Variants in NR1H4 observed in about 807,000 individuals in gnomAD.
NR1H4 encodes bile acid receptor.
NR1H4 carries 23 observed loss-of-function variants against 58.5 expected under a neutral mutation model. That is an observed-to-expected ratio of 0.39 (90% CI 0.28 to 0.56). NR1H4 has a LOEUF of 0.56. NR1H4 is among the 20% of genes least tolerant of loss of function. The pLI, the probability that NR1H4 is intolerant of heterozygous loss-of-function variation, is 0.58. For synonymous variants in NR1H4, 214 were observed against 198.0 expected, an observed-to-expected ratio of 1.08 and a Z score of -0.68; for missense variants, 487 against 576.9, an observed-to-expected ratio of 0.84 and a Z score of 1.60.
chr12:100,533,047 A>G (rs1954733214), intron 5 of NR1H4, among the ~76,000 whole-genome samples: 1 of 152,188 alleles, frequency 6.6e-6, no homozygotes. Flanking sequence ...AGAGTTCTAA[A>G]CCAAGTCATT....
intron 6 of NR1H4, 103 bp downstream of exon 6, chr12:100,535,126 T>C (rs1222779899): frequency 7.8e-7 from 1 of 1,289,060 alleles, no homozygotes; most frequent in African/African-American, 1.5e-5. Flanking sequence ...CAGGCACAGC[T>C]GAATTTCTAG....
At chr12:100,495,252 C>T (rs1266437660) in intron 3 of NR1H4, among the ~76,000 whole-genome samples, 1 of 152,172 alleles carries the variant, frequency 6.6e-6, no homozygotes, top group Non-Finnish European at 1.5e-5. Context: ...AGCTGCAATG[C>T]AGAGCTGTAA....
At chr12:100,477,128 A>T (rs557720819) in intron 1 of NR1H4, among the ~76,000 whole-genome samples, 1 of 152,236 alleles carries the variant, frequency 6.6e-6, no homozygotes, top group East Asian at 1.9e-4. Flanking sequence ...CTTCACAGTG[A>T]ATTATTTTCT....
chr12:100,537,142 CA>C, intron 8 of NR1H4, 95 bp downstream of exon 8: 1 of 803,880 alleles, frequency 1.2e-6, no homozygotes, highest in South Asian at 1.5e-5. Context: ...TTTTAATTTT[CA>C]AAACATTCCT....
At chr12:100,545,663 AAAAAAAC>A (rs1228926542) in intron 9 of NR1H4, among the ~76,000 whole-genome samples, 3 of 147,888 alleles carry the variant, frequency 2.0e-5, no homozygotes, top group Admixed American at 6.7e-5. Context: ...AAAAAAAAAA[AAAAAAAC>A]CAAACGGGGG....
chr12:100,554,612 G>C (rs1955282216), intron 9 of NR1H4, among the ~76,000 whole-genome samples: 1 of 152,036 alleles, frequency 6.6e-6, no homozygotes, highest in Non-Finnish European at 1.5e-5. Flanking sequence ...AAACAAATAG[G>C]AAACAGGAGC....
intron 4 of NR1H4, among the ~76,000 whole-genome samples, chr12:100,518,258 G>T (rs139658351): frequency 3.3e-5 from 5 of 152,166 alleles, no homozygotes; most frequent in Non-Finnish European, 7.3e-5. Flanking sequence ...TACCTTAAAG[G>T]TGGTCAGGGG....
At position 100,548,058 on chromosome 12, in the gene NR1H4, C is replaced by G. The variant is rs556943699; in HGVS notation, c.1078+7240C>G. Among the ~76,000 whole-genome samples, 20 of 149,816 alleles carry G rather than the reference C, an allele frequency of 1.3e-4. No homozygotes were observed. The South Asian group carries it at 4.3e-3, about 32-fold the overall frequency. On this transcript the variant is annotated intron_variant, in intron 9 of 10. Transcript: ENST00000392986. ...TATTATATTAAGCACTTTATAAACA[C>G]TTGTTTTTTGCCTGAAGAATACTTA...
At chr12:100,490,410 A>C (rs1322112165) in intron 1 of NR1H4, among the ~76,000 whole-genome samples, 1 of 152,174 alleles carries the variant, frequency 6.6e-6, no homozygotes, top group East Asian at 1.9e-4. Flanking sequence ...ACAGAGCTGT[A>C]ATATCCTATT....
intron 9 of NR1H4, among the ~76,000 whole-genome samples, chr12:100,550,065 C>G (rs1177882924): frequency 6.6e-6 from 1 of 152,116 alleles, no homozygotes; most frequent in Admixed American, 6.5e-5. Flanking sequence ...AATTCATACT[C>G]TTTTGTTTGC....
intron 2 of NR1H4, 50 bp from the exon 3 acceptor site, chr12:100,493,220 C>A: frequency 1.4e-6 from 1 of 716,046 alleles, no homozygotes; most frequent in Non-Finnish European, 2.6e-6. Flanking sequence ...GCTCTCCTAA[C>A]CAACCCTTCC....
intron 4 of NR1H4, among the ~76,000 whole-genome samples, chr12:100,529,772 C>T (rs1180665454): frequency 6.6e-6 from 1 of 152,200 alleles, no homozygotes; most frequent in Non-Finnish European, 1.5e-5. Context: ...GGTTCACTCC[C>T]AGTCTATACA....
At chr12:100,546,031 C>T (rs1485061584) in intron 9 of NR1H4, among the ~76,000 whole-genome samples, 1 of 152,042 alleles carries the variant, frequency 6.6e-6, no homozygotes. Context: ...CCGAGCTGCC[C>T]ACTGAATGGA....
chr12:100,519,683 G>T (rs987884739), intron 4 of NR1H4, among the ~76,000 whole-genome samples: 1 of 152,120 alleles, frequency 6.6e-6, no homozygotes, highest in African/African-American at 2.4e-5. Context: ...ACCCAGGAAA[G>T]GGCATAAGAA....
In NR1H4 at chr12:100,510,607, T is replaced by TTATATATATA. The variant is rs34480475; in HGVS notation, c.80-152_80-143dup. On this transcript the variant is annotated intron_variant, in intron 3 of 10. Transcript: ENST00000392986. ...TGAATTTTTAATTTGTCATTTAATT[T>TTATATATATA]TATATATATATATATATATATATAT... Among the ~76,000 whole-genome samples the TTATATATATA allele has an allele frequency of 9.9e-3, 1,317 of 133,554 alleles. 32 individuals are homozygous for TTATATATATA. The highest frequency in any genetic ancestry group is 0.091 in the East Asian group (383 of 4,222). 87.6% of individuals were successfully genotyped at this position (133,554 alleles called of 152,430 possible). A position where few individuals can be genotyped will look rare whatever the true frequency, so the allele number is the denominator to read the frequency against.
In NR1H4 at chr12:100,559,517, G is replaced by A. The variant is rs565433404; in HGVS notation, c.1079-2368G>A. 2.5e-3 allele frequency among the ~76,000 whole-genome samples: 377 copies of A among 152,326 alleles called. 5 individuals carry two copies. In the South Asian group the frequency reaches 0.032, roughly 13 times the overall value. On this transcript the variant is annotated intron_variant, in intron 9 of 10. Transcript: ENST00000392986. ...CTGGCCCCGGGTAATAAGGGACTTA[G>A]CACCCGGGCCAGTGGCTGCGGAGGG...
intron 3 of NR1H4, among the ~76,000 whole-genome samples, chr12:100,505,117 C>T (rs1209699049): frequency 6.6e-6 from 1 of 152,150 alleles, no homozygotes; most frequent in South Asian, 2.1e-4. Context: ...AAAAAAGTGA[C>T]TTTTCTAGGC....
intron 1 of NR1H4, among the ~76,000 whole-genome samples, chr12:100,474,866 A>G (rs930212296): frequency 1.3e-5 from 2 of 152,204 alleles, no homozygotes; most frequent in African/African-American, 2.4e-5. Flanking sequence ...GCTTTGAGCT[A>G]TAAAGAAATC....
Position 100,493,380 on chromosome 12 carries a change from T to A in NR1H4, c.57T>A (p.Phe19Leu), listed in dbSNP as rs1159171432. 1.3e-6 allele frequency: 2 copies of A among 1,555,612 alleles called. No homozygotes were observed. Among genetic ancestry groups the A allele is most frequent in the African/African-American group, 2.7e-5 (2 of 73,938 alleles). ...CCCATTTACCTACCACAGATGAATT[T>A]TCTTTTTCTGAAAATTTATTTGGTA... is the stretch of plus-strand genomic sequence containing the variant. ...EHSHLPTTDE[F>L]SFSENLFGVL... is the part of the protein sequence containing the mutation. The change falls in exon 3 of 11, where the codon TTT becomes TTA. Residue 19 changes from phenylalanine to leucine, a missense_variant. Coordinates refer to ENST00000392986, the MANE Select transcript of NR1H4 (RefSeq NM_001206979.2).
Sources: gnomAD v4.1 joint callset for allele counts (sites outside exome capture counted in the v4.1 genomes callset) on GRCh38, gnomAD v4.1.1 for gene constraint, MANE v1.5 for transcripts, NCBI Gene and HGNC (gene_info 2026-07-23, HGNC 2026-07-21) for gene names.